Variants in SSH2 observed in about 807,000 individuals in gnomAD.
SSH2 encodes protein phosphatase Slingshot homolog 2.
Under a neutral mutation model 135.2 loss-of-function variants are expected in SSH2, and 37 were observed. The ratio of observed to expected loss-of-function variants is 0.27; its 90% CI spans 0.21 to 0.36. The LOEUF (loss-of-function observed/expected upper bound fraction) is 0.36, where lower values mean the gene tolerates loss of function less well. Ranked by LOEUF, SSH2 falls within the 10% of genes least tolerant of loss-of-function variation. The pLI, the probability that SSH2 is intolerant of heterozygous loss-of-function variation, is 1.00. For synonymous variants in SSH2, 628 were observed against 646.2 expected, an observed-to-expected ratio of 0.97 and a Z score of 0.43; for missense variants, 1,408 against 1,765.3, an observed-to-expected ratio of 0.80 and a Z score of 3.63.
intron 1 of SSH2, among the ~76,000 whole-genome samples, chr17:29,871,117 C>T (rs1043695496): frequency 6.6e-6 from 1 of 151,844 alleles, no homozygotes; most frequent in Non-Finnish European, 1.5e-5. Flanking sequence ...CTCTGGCTAA[C>T]AGGGTTATGG....
chr17:29,810,175 G>A (rs1337800033), intron 2 of SSH2, among the ~76,000 whole-genome samples: 1 of 147,042 alleles, frequency 6.8e-6, no homozygotes, highest in African/African-American at 2.5e-5. Context: ...TTTCTATAAT[G>A]TAGATTCAGT....
chr17:29,849,238 G>GGGAGGC (rs2151387656), intron 1 of SSH2, among the ~76,000 whole-genome samples: 1 of 152,244 alleles, frequency 6.6e-6, no homozygotes, highest in Non-Finnish European at 1.5e-5. Context: ...CCAGCACTTT[G>GGGAGGC]GGAGGCGGAG....
In SSH2 at chr17:29,630,987, G is replaced by C; in HGVS notation, c.4207C>G (p.Gln1403Glu). The change falls in exon 16 of 16, where the codon CAG (glutamine) becomes GAG (glutamate). Residue 1403 changes from glutamine (Q) to glutamate (E), a missense_variant. Gln to Glu is a conservative substitution (Grantham distance 29, BLOSUM62 2). Around this residue, in one of 3 missense-constraint regions of SSH2, gnomAD observed 1,080 missense variants for 1,144.5 expected, o/e 0.94. Coordinates refer to ENST00000540801, the MANE Select transcript of SSH2 (RefSeq NM_001282129.2). ...TSSEGGLPVLQTQGLQCACPA... is the reference protein window; with the variant it reads ...TSSEGGLPVLETQGLQCACPA... ...CATGCACACTGCAGTCCCTGGGTCTGTAGCACGGGAAGGCCTCCTTCAGAA... is the reference window on the plus strand; with the variant it reads ...CATGCACACTGCAGTCCCTGGGTCTCTAGCACGGGAAGGCCTCCTTCAGAA... The C allele has an allele frequency of 6.2e-7, 1 of 1,613,908 alleles. No individual in the cohort carries two copies. Among genetic ancestry groups the C allele is most frequent in the Non-Finnish European group, 8.5e-7 (1 of 1,179,780 alleles).
chr17:29,715,251 CTT>C (rs869218944), intron 3 of SSH2, among the ~76,000 whole-genome samples: 2 of 125,158 alleles, frequency 1.6e-5, no homozygotes. Flanking sequence ...TTCTTTCTTT[CTT>C]TTTTTTTTTT....
intron 3 of SSH2, among the ~76,000 whole-genome samples, chr17:29,711,723 G>C (rs2039436242): frequency 6.6e-6 from 1 of 152,204 alleles, no homozygotes; most frequent in South Asian, 2.1e-4. Context: ...ACATCTGGCA[G>C]TTGGAAATTC....
chr17:29,785,261 G>T (rs2041933369), intron 3 of SSH2, among the ~76,000 whole-genome samples: 1 of 151,908 alleles, frequency 6.6e-6, no homozygotes, highest in South Asian at 2.1e-4. Flanking sequence ...CTTGGGGTTG[G>T]CACACACAAG....
chr17:29,853,375 G>A (rs1016551096), intron 1 of SSH2, among the ~76,000 whole-genome samples: 5 of 151,672 alleles, frequency 3.3e-5, no homozygotes, highest in African/African-American at 4.9e-5. Context: ...ATGAGCCACC[G>A]CGCGCGGCCT....
chr17:29,743,582 T>C (rs977801443), intron 3 of SSH2, among the ~76,000 whole-genome samples: 4 of 152,202 alleles, frequency 2.6e-5, no homozygotes, highest in Admixed American at 2.6e-4. Context: ...GGACTGACTA[T>C]GGGAGAGCCA....
At chr17:29,831,635 G>A (rs1489514580) in intron 2 of SSH2, among the ~76,000 whole-genome samples, 13 of 148,322 alleles carry the variant, frequency 8.8e-5, no homozygotes, top group African/African-American at 2.7e-4. Context: ...GCAATGGTGC[G>A]ATTTCGGCTC....
chr17:29,813,744 G>T (rs1486101909), intron 2 of SSH2, among the ~76,000 whole-genome samples: 2 of 151,848 alleles, frequency 1.3e-5, no homozygotes, highest in African/African-American at 4.8e-5. Flanking sequence ...CTTGAACCCG[G>T]GAGGTGGAGG....
At chr17:29,859,612 A>C (rs543359328) in intron 1 of SSH2, among the ~76,000 whole-genome samples, 114 of 152,264 alleles carry the variant, frequency 7.5e-4, no homozygotes, top group Admixed American at 4.2e-3. Flanking sequence ...GTTCCTGCAA[A>C]GGACATAATC....
intron 3 of SSH2, among the ~76,000 whole-genome samples, chr17:29,718,850 C>T (rs868174250): frequency 6.6e-6 from 1 of 150,766 alleles, no homozygotes; most frequent in African/African-American, 2.4e-5. Flanking sequence ...GACCTCAGTT[C>T]TTTGCCATGT....
chr17:29,748,424 A>C (rs2040828764), intron 3 of SSH2, among the ~76,000 whole-genome samples: 1 of 152,194 alleles, frequency 6.6e-6, no homozygotes, highest in South Asian at 2.1e-4. Flanking sequence ...TTCTCTAAGG[A>C]TCAAAAATAA....
intron 11 of SSH2, among the ~76,000 whole-genome samples, chr17:29,666,515 T>C (rs139261416): frequency 1.1e-4 from 17 of 152,180 alleles, no homozygotes; most frequent in Non-Finnish European, 2.1e-4. Flanking sequence ...AAACCCCGTC[T>C]CTACTAAAAA....
At chr17:29,792,916 C>T (rs2042095550) in intron 3 of SSH2, among the ~76,000 whole-genome samples, 1 of 152,034 alleles carries the variant, frequency 6.6e-6, no homozygotes, top group Admixed American at 6.6e-5. Context: ...CCTCGTGATC[C>T]GCCTGCCTCG....
chr17:29,787,293 C>T (rs949420159), intron 3 of SSH2, among the ~76,000 whole-genome samples: 6 of 152,214 alleles, frequency 3.9e-5, no homozygotes, highest in Admixed American at 6.5e-5. Context: ...CACGTTGTGG[C>T]ATGTCAGAAC....
At chr17:29,677,592 C>A in intron 7 of SSH2, 81 bp downstream of exon 7, 4 of 1,212,736 alleles carry the variant, frequency 3.3e-6, no homozygotes, top group Non-Finnish European at 4.9e-6. Flanking sequence ...CTGGGCCTCC[C>A]TTTTAGCTGA....
At chr17:29,927,153 G>A (rs561102709) in intron 1 of SSH2, among the ~76,000 whole-genome samples, 1 of 152,270 alleles carries the variant, frequency 6.6e-6, no homozygotes, top group East Asian at 1.9e-4. Context: ...CCCAAGAAAT[G>A]TTAGATATTG....
intron 3 of SSH2, among the ~76,000 whole-genome samples, chr17:29,706,532 C>A (rs1405001463): frequency 6.6e-6 from 1 of 152,178 alleles, no homozygotes; most frequent in African/African-American, 2.4e-5. Flanking sequence ...TCACTCTGTT[C>A]CACTCACATT....
Sources: gnomAD v4.1 joint callset for allele counts (sites outside exome capture counted in the v4.1 genomes callset) on GRCh38, gnomAD v4.1.1 for gene constraint, gnomAD v4.1.1 regional missense constraint, MANE v1.5 for transcripts, NCBI Gene and HGNC (gene_info 2026-07-23, HGNC 2026-07-21) for gene names.